Variants in NPY2R observed in about 807,000 individuals in gnomAD.
The protein encoded by NPY2R is neuropeptide Y receptor type 2.
A neutral mutation model predicts 22.3 loss-of-function variants in NPY2R; 17 were observed. The ratio of observed to expected loss-of-function variants is 0.76; its 90% confidence interval spans 0.52 to 1.14. NPY2R has a LOEUF of 1.14. NPY2R is among the 50% of genes most tolerant of loss of function. NPY2R has a pLI of 0.00. For missense variants in NPY2R, 424 were observed against 467.9 expected, an observed-to-expected ratio of 0.91 and a Z score of 0.87; for synonymous variants, 209 against 183.4, an observed-to-expected ratio of 1.14 and a Z score of -1.13.
chr4:155,179,806 A>T, the NPY2R span, among the ~76,000 whole-genome samples: 1 of 152,022 alleles, frequency 6.6e-6, no homozygotes, highest in African/African-American at 2.4e-5. Context: ...AGATTGCTTG[A>T]TCTCCCTAAG....
Position 155,215,054 on chromosome 4 carries a change from A to G in NPY2R, c.1115A>G (p.Asn372Ser), listed in dbSNP as rs368830127. Reference sequence around the variant, plus strand: ...GAGGTCAGAAAGAACAGTGGCCCCAATGACTCTTTCACAGAGGCTACCAAT... The same window carrying G: ...GAGGTCAGAAAGAACAGTGGCCCCAGTGACTCTTTCACAGAGGCTACCAAT... Reference protein sequence around the residue: ...NLEVRKNSGPNDSFTEATNV With the variant: ...NLEVRKNSGPSDSFTEATNV Residue 372 changes from asparagine (N) to serine (S), a missense_variant, in exon 2 of 2, where the codon AAT becomes AGT. By Grantham distance (46) the Asn-to-Ser change is conservative. Transcript: ENST00000329476. 1.4e-5 allele frequency: 23 copies of G among 1,613,392 alleles called. No individual in the cohort carries two copies. The highest frequency in any genetic ancestry group is 1.6e-4 in the Middle Eastern group (1 of 6,084).
the NPY2R span, among the ~76,000 whole-genome samples, chr4:155,179,081 T>C: frequency 6.6e-6 from 1 of 152,222 alleles, no homozygotes; most frequent in Admixed American, 6.5e-5. Flanking sequence ...TAGTACTGTA[T>C]TTTTCATATC....
chr4:155,206,241 A>G (rs1022396522), upstream of NPY2R, among the ~76,000 whole-genome samples: 3 of 152,242 alleles, frequency 2.0e-5, no homozygotes, highest in East Asian at 1.9e-4. Flanking sequence ...GAGCAACTAA[A>G]TGATTTGATA....
chr4:155,183,808 G>A, the NPY2R span, among the ~76,000 whole-genome samples: 15,597 of 152,134 alleles, frequency 0.1, 871 homozygotes, highest in East Asian at 0.16. Context: ...AATGACAATA[G>A]TGGTAGGGAT....
chr4:155,190,393 C>G, the NPY2R span, among the ~76,000 whole-genome samples: 1 of 151,790 alleles, frequency 6.6e-6, no homozygotes, highest in Non-Finnish European at 1.5e-5. Flanking sequence ...GTAATCAGAG[C>G]ATAGATTAAA....
rs756970755 is a variant in NPY2R, at chr4:155,214,499, G to A, written c.560G>A (p.Arg187Gln). 1.4e-5 allele frequency: 22 copies of A among 1,614,006 alleles called. No homozygotes were observed. The highest frequency in any genetic ancestry group is 4.5e-5 in the East Asian group (2 of 44,882). Residue 187 changes from arginine to glutamine, a missense_variant, in exon 2 of 2, where the codon CGG becomes CAG. Transcript: ENST00000329476. ...ALLASPLAIF[R>Q]EYSLIEIIPD... ...CTGGCAAGTCCCCTGGCCATCTTCCGGGAGTATTCGCTGATTGAGATCATC... is the reference window on the plus strand; with the variant it reads ...CTGGCAAGTCCCCTGGCCATCTTCCAGGAGTATTCGCTGATTGAGATCATC...
At chr4:155,178,970 T>G in the NPY2R span, among the ~76,000 whole-genome samples, 2 of 152,320 alleles carry the variant, frequency 1.3e-5, 1 homozygote. Context: ...ATATTCTTCA[T>G]TTTTGCTAGT....
the NPY2R span, among the ~76,000 whole-genome samples, chr4:155,187,404 G>A: frequency 2.6e-5 from 4 of 152,054 alleles, no homozygotes; most frequent in East Asian, 1.9e-4. Context: ...GGTCATTGTC[G>A]CCGTTATTGA....
the NPY2R span, among the ~76,000 whole-genome samples, chr4:155,186,284 A>G: frequency 3.3e-3 from 497 of 152,346 alleles, 7 homozygotes; most frequent in African/African-American, 0.012. Flanking sequence ...ACACAGCTTT[A>G]TATTAACCAT....
At chr4:155,179,860 TCTCA>T in the NPY2R span, among the ~76,000 whole-genome samples, 1 of 152,130 alleles carries the variant, frequency 6.6e-6, no homozygotes, top group African/African-American at 2.4e-5. Flanking sequence ...AGTGGAAGAA[TCTCA>T]CTCTCTCTTC....
the NPY2R span, among the ~76,000 whole-genome samples, chr4:155,191,858 T>A: frequency 1.5e-4 from 23 of 152,048 alleles, 1 homozygote; most frequent in South Asian, 4.1e-3. Context: ...CTTCAGGGAC[T>A]GGTAAAGTGG....
At chr4:155,201,664 G>C in the NPY2R span, among the ~76,000 whole-genome samples, 1 of 152,062 alleles carries the variant, frequency 6.6e-6, no homozygotes, top group African/African-American at 2.4e-5. Flanking sequence ...AGACCCTAAA[G>C]GTCAGTTGAC....
At chr4:155,187,061 A>T in the NPY2R span, among the ~76,000 whole-genome samples, 1 of 152,204 alleles carries the variant, frequency 6.6e-6, no homozygotes, top group Non-Finnish European at 1.5e-5. Context: ...GAGGAACTTC[A>T]GAATCTAATT....
rs1470568142 is a variant in NPY2R at position 155,208,739 on chromosome 4, TG to T, written c.-378del. On this transcript the variant is annotated 5_prime_UTR_variant, in exon 1 of 2. Coordinates refer to ENST00000329476, the MANE Select transcript of NPY2R (RefSeq NM_000910.4). This position sits in a 1 kb window ranked among gnomAD's most constrained non-coding sequence, Gnocchi z 5.6. ...CGCAGCCTCTGCACCTGTTTTCTTG[TG>T]TTTAAGGGTGGGGTTTGCCCCCCTC... 6.6e-6 allele frequency: 1 copy of T among 152,468 alleles called. No homozygotes were observed. The highest frequency in any genetic ancestry group is 2.4e-5 in the African/African-American group (1 of 41,444). 9.4% of individuals were successfully genotyped at this position (152,468 alleles called of 1,614,324 possible).
chr4:155,199,892 C>A, the NPY2R span, among the ~76,000 whole-genome samples: 3,692 of 152,068 alleles, frequency 0.024, 139 homozygotes, highest in African/African-American at 0.085. Flanking sequence ...AAAACCAAAC[C>A]CCAAACCATA....
intron 1 of NPY2R, among the ~76,000 whole-genome samples, chr4:155,211,330 C>G (rs1401213439): frequency 6.6e-6 from 1 of 152,050 alleles, no homozygotes; most frequent in African/African-American, 2.4e-5. Context: ...GAAGTGAGCA[C>G]AGGGGCTTGG....
At chr4:155,177,281 A>G in the NPY2R span, among the ~76,000 whole-genome samples, 1 of 152,200 alleles carries the variant, frequency 6.6e-6, no homozygotes, top group African/African-American at 2.4e-5. Context: ...AACCTGTGAA[A>G]TCAAACAAGT....
the NPY2R span, among the ~76,000 whole-genome samples, chr4:155,188,749 C>T: frequency 1.3e-5 from 2 of 152,062 alleles, no homozygotes; most frequent in Non-Finnish European, 2.9e-5. Context: ...ATCCTGCTAG[C>T]AGCCATCTGA....
chr4:155,200,297 C>T, the NPY2R span, among the ~76,000 whole-genome samples: 26 of 152,204 alleles, frequency 1.7e-4, no homozygotes, highest in African/African-American at 6.0e-4. Flanking sequence ...AAATCAAAAC[C>T]ACAGTGAGAT....
Sources: gnomAD v4.1 joint callset for allele counts (sites outside exome capture counted in the v4.1 genomes callset) on GRCh38, gnomAD v4.1.1 for gene constraint, Gnocchi (gnomAD v3.1) non-coding constraint, MANE v1.5 for transcripts, NCBI Gene and HGNC (gene_info 2026-07-23, HGNC 2026-07-21) for gene names.